The following DPH6 variants were observed in gnomAD, a reference collection of about 807,000 sequenced individuals.
The protein encoded by DPH6 is diphthine--ammonia ligase.
DPH6 carries 33 observed loss-of-function variants against 38.2 expected under a neutral mutation model. The observed-to-expected ratio is 0.86, with a 90% confidence interval of 0.65 to 1.15. The LOEUF (loss-of-function observed/expected upper bound fraction) is 1.15. DPH6 is among the 50% of genes most tolerant of loss of function. The pLI is 0.00. For missense variants in DPH6, 325 were observed against 320.0 expected (o/e 1.02, Z -0.12); for synonymous variants, 108 against 103.0 (o/e 1.05, Z -0.30).
chr15:35,310,553 A>G (rs920121823), intron 3 of DPH6, among the ~76,000 whole-genome samples: 9 of 152,178 alleles, frequency 5.9e-5, no homozygotes, highest in Admixed American at 1.3e-4. Context: ...TGGAAGCTTA[A>G]ATCATAAACA....
chr15:35,387,398 T>A (rs1401129733), intron 6 of DPH6, among the ~76,000 whole-genome samples: 3 of 152,202 alleles, frequency 2.0e-5, no homozygotes, highest in African/African-American at 4.8e-5. Flanking sequence ...GGTAGCTTGA[T>A]GGGGATGGCA....
intron 3 of DPH6, chr15:35,220,655 T>C (rs2051436709): frequency 6.6e-6 from 1 of 152,084 alleles, no homozygotes; most frequent in Non-Finnish European, 1.5e-5. Context: ...AATAATAGCA[T>C]TAGTTCATTC....
intron 2 of DPH6, among the ~76,000 whole-genome samples, chr15:35,538,895 T>C (rs1196219209): frequency 1.3e-5 from 2 of 152,108 alleles, no homozygotes; most frequent in Non-Finnish European, 2.9e-5. Context: ...AAGATCTACC[T>C]AGTTAATAAG....
At chr15:35,489,874 T>C in intron 3 of DPH6, 8 of 965,592 alleles carry the variant, frequency 8.3e-6, no homozygotes, top group Non-Finnish European at 9.9e-6. Context: ...ATACATTTTT[T>C]AATGTTTTAT....
chr15:35,343,029 A>G lies in DPH6; in HGVS notation n.208-11952T>C, dbSNP rs532274856. 9.8e-5 allele frequency among the ~76,000 whole-genome samples: 15 copies of G among 152,318 alleles called. No individual in the cohort carries two copies. The South Asian group carries it at 2.9e-3, about 29-fold the overall frequency. On this transcript the variant is annotated intron_variant and non_coding_transcript_variant, in intron 3 of 3. Transcript: ENST00000558973. ...AGATTTCATAGCATGTCATCCATAT[A>G]TATTTCAGTAAGTAAAGCTAGGGAA...
intron 3 of DPH6, among the ~76,000 whole-genome samples, chr15:35,357,172 C>A (rs1595498231): frequency 6.6e-6 from 1 of 152,212 alleles, no homozygotes; most frequent in Non-Finnish European, 1.5e-5. Flanking sequence ...TTTTCTAGGT[C>A]CCGTCTATCA....
chr15:35,355,246 C>T (rs969194112), intron 3 of DPH6, among the ~76,000 whole-genome samples: 1 of 152,240 alleles, frequency 6.6e-6, no homozygotes, highest in East Asian at 1.9e-4. Context: ...TCCAATTTGC[C>T]AGTCTGTGTC....
At chr15:35,226,359 G>C (rs1369877262) in intron 3 of DPH6, among the ~76,000 whole-genome samples, 1 of 152,012 alleles carries the variant, frequency 6.6e-6, no homozygotes, top group African/African-American at 2.4e-5. Flanking sequence ...ACATACGTAA[G>C]GTAACAAAAA....
intron 5 of DPH6, among the ~76,000 whole-genome samples, chr15:35,440,967 C>A (rs1403590542): frequency 6.6e-6 from 1 of 150,894 alleles, no homozygotes; most frequent in Non-Finnish European, 1.5e-5. Flanking sequence ...CAAGAAAAAA[C>A]AAACAACCCA....
chr15:35,431,247 C>T (rs1291601336), intron 5 of DPH6, among the ~76,000 whole-genome samples: 4 of 152,176 alleles, frequency 2.6e-5, no homozygotes, highest in African/African-American at 9.7e-5. Context: ...CTATACCTAT[C>T]TAGCAGTAAT....
At chr15:35,481,621 G>A (rs557129838) in intron 3 of DPH6, among the ~76,000 whole-genome samples, 2 of 152,162 alleles carry the variant, frequency 1.3e-5, no homozygotes, top group African/African-American at 4.8e-5. Flanking sequence ...GTTAAAAAAG[G>A]AAATCTTATC....
chr15:35,167,576 A>ATTT, the DPH6 span, among the ~76,000 whole-genome samples: 4,165 of 145,292 alleles, frequency 0.029, 75 homozygotes, highest in Middle Eastern at 0.047. Context: ...TTTTTTTAAA[A>ATTT]AAAAAAAAAA....
chr15:35,310,129 C>A (rs746319414), intron 3 of DPH6, among the ~76,000 whole-genome samples: 16 of 152,154 alleles, frequency 1.1e-4, no homozygotes, highest in East Asian at 1.9e-4. Flanking sequence ...TCCATCAGCA[C>A]CACTTAATTT....
chr15:35,258,291 A>C (rs1285100189), intron 3 of DPH6, among the ~76,000 whole-genome samples: 1 of 152,192 alleles, frequency 6.6e-6, no homozygotes, highest in Non-Finnish European at 1.5e-5. Context: ...TAAAAGGAGA[A>C]GGATGGGACA....
the DPH6 span, among the ~76,000 whole-genome samples, chr15:35,168,476 C>T: frequency 6.6e-6 from 1 of 151,844 alleles, no homozygotes; most frequent in South Asian, 2.1e-4. Flanking sequence ...TGCCTATTGC[C>T]TTTTCACCAG....
At chr15:35,240,863 C>T (rs1486148259) in intron 3 of DPH6, among the ~76,000 whole-genome samples, 1 of 143,402 alleles carries the variant, frequency 7.0e-6, no homozygotes, top group African/African-American at 2.5e-5. Flanking sequence ...GGCCCTCAAA[C>T]CCCACAACAG....
At chr15:35,301,909 G>A (rs2052056960) in intron 3 of DPH6, among the ~76,000 whole-genome samples, 2 of 152,154 alleles carry the variant, frequency 1.3e-5, no homozygotes, top group Non-Finnish European at 2.9e-5. Flanking sequence ...GGGAGGCGGA[G>A]GTTGCAGTGA....
At chr15:35,409,612 C>T (rs1255444299) in intron 6 of DPH6, among the ~76,000 whole-genome samples, 1 of 151,954 alleles carries the variant, frequency 6.6e-6, no homozygotes, top group Non-Finnish European at 1.5e-5. Flanking sequence ...CACAGTCTCT[C>T]ACTTCTGAAT....
intron 3 of DPH6, among the ~76,000 whole-genome samples, chr15:35,498,735 G>C (rs1372297846): frequency 6.6e-6 from 1 of 151,962 alleles, no homozygotes. Context: ...AAATAATGCA[G>C]CCCAAGTTAT....
Sources: allele counts gnomAD v4.1 joint callset (sites outside exome capture counted in the v4.1 genomes callset), GRCh38; gene constraint gnomAD v4.1.1; transcripts MANE v1.5; gene names NCBI Gene and HGNC (gene_info 2026-07-23, HGNC 2026-07-21).